The following DOCK7 variants were observed in gnomAD, a reference collection of about 807,000 sequenced individuals.
DOCK7 encodes dedicator of cytokinesis protein 7.
A neutral mutation model predicts 271.0 loss-of-function variants in DOCK7; 138 were observed. That is an observed-to-expected ratio of 0.51 (90% CI 0.44 to 0.59). DOCK7 has a LOEUF of 0.59. Among genes scored for constraint, DOCK7 ranks in the 20% least tolerant of loss-of-function variants. The pLI is 0.00. For missense variants in DOCK7, 2,066 were observed against 2,592.4 expected, an observed-to-expected ratio of 0.80 and a Z score of 4.41; for synonymous variants, 823 against 876.1, an observed-to-expected ratio of 0.94 and a Z score of 1.07.
intron 7 of DOCK7, chr1:62,638,356 C>A (rs1425927595): frequency 6.6e-6 from 1 of 151,856 alleles, no homozygotes; most frequent in Non-Finnish European, 1.5e-5. Flanking sequence ...CTTTCTGTGT[C>A]ATGTCAAAGA....
At chr1:62,590,050 A>G (rs1338182465) in intron 14 of DOCK7, among the ~76,000 whole-genome samples, 2 of 152,160 alleles carry the variant, frequency 1.3e-5, no homozygotes, top group Non-Finnish European at 2.9e-5. Context: ...GAGTACAATG[A>G]CATGGAAACC....
rs148978020 is a variant in DOCK7, at chr1:62,539,832, G to C, written c.3106C>G (p.Arg1036Gly). Reference protein sequence around the residue: ...NDKLEAPRKSRFPERFMDDIA... With the variant: ...NDKLEAPRKSGFPERFMDDIA... The stretch of plus-strand genomic sequence containing the variant: ...TCATCCATGAAACGTTCTGGAAAAC[G>C]ACTTTTCCTTGGAGCCTCAAGTTTA... Residue 1036 changes from arginine to glycine, a missense_variant, in exon 26 of 50, where the codon CGT becomes GGT. Arg to Gly is a moderately radical substitution (Grantham distance 125). Transcript: ENST00000635253. The C allele has an allele frequency of 1.2e-6, 2 of 1,613,322 alleles. No homozygotes were observed. The highest frequency in any genetic ancestry group is 1.7e-6 in the Non-Finnish European group (2 of 1,179,666).
intron 14 of DOCK7, among the ~76,000 whole-genome samples, chr1:62,589,174 T>C (rs1297650273): frequency 1.3e-5 from 2 of 152,210 alleles, no homozygotes; most frequent in African/African-American, 2.4e-5. Context: ...TGAACCATCA[T>C]ATGAGAGGCA....
In DOCK7 at chr1:62,577,351, G is replaced by C. The variant is rs753152915; in HGVS notation, c.2023C>G (p.Leu675Val). The change falls in exon 18 of 50, where the codon CTT (leucine) becomes GTT (valine). Residue 675 changes from leucine to valine, a missense_variant. Coordinates refer to ENST00000635253, the MANE Select transcript of DOCK7 (RefSeq NM_001367561.1). The stretch of plus-strand genomic sequence containing the variant: ...CCAGTCTTCAACCGTCCATTCTGAA[G>C]CATTGGTATCCACTTTTAAATGAAA... Reference protein sequence around the residue: ...TPVGYTWIPMLQNGRLKTGQF... With the variant: ...TPVGYTWIPMVQNGRLKTGQF... 1.3e-6 allele frequency: 2 copies of C among 1,571,842 alleles called. No individual in the cohort carries two copies. The highest frequency in any genetic ancestry group is 2.5e-5 in the South Asian group (2 of 81,186).
At chr1:62,681,539 AAT>A (rs1394108736) in intron 1 of DOCK7, among the ~76,000 whole-genome samples, 1 of 14,708 alleles carries the variant, frequency 6.8e-5, no homozygotes, top group East Asian at 9.3e-3. Flanking sequence ...TATAATAAAA[AAT>A]AAAAAAAATA....
chr1:62,592,602 CAGAAAGAGACA>C (rs2149513726), intron 14 of DOCK7, among the ~76,000 whole-genome samples: 2 of 151,796 alleles, frequency 1.3e-5, no homozygotes, highest in South Asian at 4.2e-4. Context: ...TAAAATTAGT[CAGAAAGAGACA>C]AACTTAAAAA....
chr1:62,665,714 CAAAAAAAA>C (rs59439795), intron 1 of DOCK7, among the ~76,000 whole-genome samples: 1 of 43,092 alleles, frequency 2.3e-5, no homozygotes, highest in Non-Finnish European at 4.1e-5. Flanking sequence ...GACTCCATCT[CAAAAAAAA>C]AAAAAAAAAA....
chr1:62,460,128 C>G (rs1645476234), intron 48 of DOCK7, among the ~76,000 whole-genome samples: 1 of 144,960 alleles, frequency 6.9e-6, no homozygotes, highest in Non-Finnish European at 1.5e-5. Flanking sequence ...AAAAAAGATT[C>G]CAGAGTATAG....
chr1:62,509,330 A>AAG (rs1644413399), intron 34 of DOCK7, among the ~76,000 whole-genome samples: 2 of 151,036 alleles, frequency 1.3e-5, no homozygotes, highest in Admixed American at 1.3e-4. Context: ...AAAAAAAAAA[A>AAG]GAATACAATT....
At chr1:62,598,798 GA>G (rs1649679339) in intron 14 of DOCK7, 2 of 1,584,546 alleles carry the variant, frequency 1.3e-6, no homozygotes, top group African/African-American at 2.7e-5. Context: ...AAAAGAAATA[GA>G]AAATCAGGTA....
intron 1 of DOCK7, among the ~76,000 whole-genome samples, chr1:62,680,444 A>C (rs1660989427): frequency 6.6e-6 from 1 of 151,860 alleles, no homozygotes; most frequent in Non-Finnish European, 1.5e-5. Context: ...CCTAGAAGAA[A>C]ACCTAGGCAA....
chr1:62,584,704 T>C (rs1306609998), intron 15 of DOCK7: 7 of 1,205,814 alleles, frequency 5.8e-6, no homozygotes, highest in Admixed American at 2.3e-5. Context: ...AGTCAAGATA[T>C]AGACATGAGT....
chr1:62,674,678 T>G (rs897813787), intron 1 of DOCK7, among the ~76,000 whole-genome samples: 2 of 152,188 alleles, frequency 1.3e-5, no homozygotes, highest in Non-Finnish European at 2.9e-5. Flanking sequence ...TGATTTTTTT[T>G]GACAATGGTG....
intron 1 of DOCK7, among the ~76,000 whole-genome samples, chr1:62,687,168 T>C (rs1175815060): frequency 6.6e-6 from 1 of 152,246 alleles, no homozygotes; most frequent in Non-Finnish European, 1.5e-5. Context: ...TAATTTAATA[T>C]GAATGCTTCT....
chr1:62,630,653 C>A (rs1654509450), intron 11 of DOCK7, among the ~76,000 whole-genome samples: 1 of 152,056 alleles, frequency 6.6e-6, no homozygotes, highest in Non-Finnish European at 1.5e-5. Flanking sequence ...AAACTCTACA[C>A]AGACAGTAGC....
chr1:62,561,546 C>A, intron 19 of DOCK7, 71 bp downstream of exon 19: 1 of 878,084 alleles, frequency 1.1e-6, no homozygotes, highest in Non-Finnish European at 1.6e-6. Flanking sequence ...ACAAAACTGA[C>A]ATCACAAGTA....
At chr1:62,547,259 A>G (rs74078610) in intron 22 of DOCK7, among the ~76,000 whole-genome samples, 5,558 of 152,304 alleles carry the variant, frequency 0.036, 249 homozygotes, top group African/African-American at 0.11. Context: ...AGTAAATTCC[A>G]TAATTCAGGT....
intron 35 of DOCK7, among the ~76,000 whole-genome samples, chr1:62,507,314 T>A (rs1646971596): frequency 6.6e-6 from 1 of 152,206 alleles, no homozygotes; most frequent in African/African-American, 2.4e-5. Flanking sequence ...CTGATTTGAA[T>A]CCTGGCTCTT....
chr1:62,499,132 A>G (rs1186174140), intron 37 of DOCK7, among the ~76,000 whole-genome samples: 1 of 152,204 alleles, frequency 6.6e-6, no homozygotes, highest in Non-Finnish European at 1.5e-5. Context: ...ACTGCCTGAT[A>G]CTAATACTAT....
Sources: gnomAD v4.1 joint callset for allele counts (sites outside exome capture counted in the v4.1 genomes callset) on GRCh38, gnomAD v4.1.1 for gene constraint, MANE v1.5 for transcripts, NCBI Gene and HGNC (gene_info 2026-07-23, HGNC 2026-07-21) for gene names.